Variants in RAB40C observed in about 807,000 individuals in gnomAD.
RAB40C encodes ras-related protein Rab-40C.
A neutral mutation model predicts 28.1 loss-of-function variants in RAB40C; 8 were observed. That is an observed-to-expected ratio of 0.28 (90% CI 0.17 to 0.51). The LOEUF (loss-of-function observed/expected upper bound fraction) is 0.51, where lower values mean the gene tolerates loss of function less well. Ranked by LOEUF, RAB40C falls within the 20% of genes least tolerant of loss-of-function variation. The pLI is 0.97. For synonymous variants in RAB40C, 201 were observed against 171.7 expected (o/e 1.17, Z -1.34); for missense variants, 288 against 405.9 (o/e 0.71, Z 2.50).
chr16:601,617 A>G (rs2036249706), intron 1 of RAB40C, among the ~76,000 whole-genome samples: 1 of 152,058 alleles, frequency 6.6e-6, no homozygotes, highest in Admixed American at 6.6e-5. Context: ...TTCTCATGAA[A>G]AATAGAATTG....
chr16:628,337 C>T lies in RAB40C; in HGVS notation c.*715C>T, dbSNP rs1332727388. The T allele has an allele frequency of 7.0e-6, 1 of 143,778 alleles. No individual in the cohort carries two copies. Among genetic ancestry groups the T allele is most frequent in the Non-Finnish European group, 1.5e-5 (1 of 67,700 alleles). 8.9% of individuals were successfully genotyped at this position (143,778 alleles called of 1,614,324 possible). On this transcript the variant is annotated 3_prime_UTR_variant, in exon 6 of 6. Coordinates refer to ENST00000248139, the MANE Select transcript of RAB40C (RefSeq NM_021168.5). ...GAACCTTCCTGCTGTGATGTGACAC[C>T]TTCGGGGACATTGACCACTCAAAAC...
intron 1 of RAB40C, chr16:596,492 C>T (rs547074073): frequency 2.9e-6 from 1 of 340,762 alleles, no homozygotes; most frequent in African/African-American, 2.2e-5. Flanking sequence ...GCCCAGGGGC[C>T]ACGTCAGCCA....
At chr16:600,079 C>T (rs1047346721) in intron 1 of RAB40C, among the ~76,000 whole-genome samples, 1 of 152,204 alleles carries the variant, frequency 6.6e-6, no homozygotes, top group African/African-American at 2.4e-5. Context: ...AGTTTTGTTC[C>T]CTTGTGGCAT....
chr16:593,332 T>C (rs2036041261), intron 1 of RAB40C, among the ~76,000 whole-genome samples: 1 of 152,236 alleles, frequency 6.6e-6, no homozygotes, highest in Non-Finnish European at 1.5e-5. Context: ...TTATTCTCCT[T>C]TGAAAGAGTT....
chr16:591,362 AAAGGTGTCATGGGCCCGGGG>A lies in RAB40C; in HGVS notation c.142+939_142+958del, dbSNP rs1436991498. Among the ~76,000 whole-genome samples, 4 of 150,604 alleles carry A rather than the reference AAAGGTGTCATGGGCCCGGGG, an allele frequency of 2.7e-5. No homozygotes were observed. In the East Asian group the frequency reaches 5.9e-4, roughly 22 times the overall value. On this transcript the variant is annotated intron_variant, in intron 1 of 5. Coordinates refer to ENST00000248139, the MANE Select transcript of RAB40C (RefSeq NM_021168.5). The stretch of plus-strand genomic sequence containing the variant: ...GAGGGAAGGTGTTATAGATCTGGGG[AAAGGTGTCATGGGCCCGGGG>A]AAGGTGTCACGGACCCAGGTCTGGT...
chr16:591,088 AG>A (rs1307818087), intron 1 of RAB40C, among the ~76,000 whole-genome samples: 1 of 146,344 alleles, frequency 6.8e-6, no homozygotes. Flanking sequence ...TCCTAAGGGA[AG>A]CTGTCATGGG....
In RAB40C at chr16:627,741, C is replaced by A. The variant is rs2036871910; in HGVS notation, c.*119C>A. On this transcript the variant is annotated 3_prime_UTR_variant, in exon 6 of 6. Coordinates refer to ENST00000248139, the MANE Select transcript of RAB40C (RefSeq NM_021168.5). The stretch of plus-strand genomic sequence containing the variant: ...TGTCCACACAGCTGCCTCAGAAGCG[C>A]CGGGCTTTCCTCACACCTGAGCCGG... 3.9e-6 allele frequency: 5 copies of A among 1,278,176 alleles called. 1 individual carries two copies. The Admixed American group carries it at 8.7e-5, about 22-fold the overall frequency. 79.2% of individuals were successfully genotyped at this position (1,278,176 alleles called of 1,614,324 possible).
Position 618,187 on chromosome 16 carries a change from C to A in RAB40C, c.204-13C>A. 6.2e-7 allele frequency: 1 copy of A among 1,611,440 alleles called. No individual in the cohort carries two copies. The highest frequency in any genetic ancestry group is 1.1e-5 in the South Asian group (1 of 90,738). On this transcript the variant is annotated splice_polypyrimidine_tract_variant and intron_variant, in intron 2 of 5. Transcript: ENST00000248139. ...ACCACAGTCCCGGCCCCTCCCCTCC[C>A]CGTATGTTTCAGGGACACGTCGGGC...
chr16:605,642 T>A (rs888505921), intron 1 of RAB40C, among the ~76,000 whole-genome samples: 2 of 152,184 alleles, frequency 1.3e-5, no homozygotes, highest in African/African-American at 4.8e-5. Context: ...GCTCCCTCCT[T>A]CCCCGCGCCG....
intron 1 of RAB40C, among the ~76,000 whole-genome samples, chr16:608,974 G>T (rs1453727312): frequency 6.6e-6 from 1 of 152,118 alleles, no homozygotes; most frequent in Admixed American, 6.6e-5. Context: ...AATTAGCCAG[G>T]TGTGGTGGTG....
chr16:604,006 G>A (rs939231346), intron 1 of RAB40C, among the ~76,000 whole-genome samples: 4 of 151,814 alleles, frequency 2.6e-5, no homozygotes, highest in African/African-American at 4.8e-5. Flanking sequence ...GTTATTTCCT[G>A]GTTTGGGGTA....
chr16:603,420 C>T (rs933012636), intron 1 of RAB40C, among the ~76,000 whole-genome samples: 5 of 149,994 alleles, frequency 3.3e-5, no homozygotes, highest in African/African-American at 1.2e-4. Context: ...GAGTGGTATG[C>T]CGGAAGATTG....
intron 3 of RAB40C, 99 bp downstream of exon 3, chr16:618,359 C>A (rs775870936): frequency 3.5e-5 from 42 of 1,211,366 alleles, no homozygotes; most frequent in Non-Finnish European, 4.9e-5. Flanking sequence ...CAAGGACTTT[C>A]TTTCTTTATA....
Position 629,195 on chromosome 16 carries a change from G to C in RAB40C, c.*1573G>C, listed in dbSNP as rs1438443436. The C allele has an allele frequency of 4.1e-6, 1 of 245,210 alleles. No individual in the cohort carries two copies. The highest frequency in any genetic ancestry group is 2.2e-5 in the African/African-American group (1 of 45,288). 15.2% of individuals were successfully genotyped at this position (245,210 alleles called of 1,614,324 possible). A position where few individuals can be genotyped will look rare whatever the true frequency, so the allele number is the denominator to read the frequency against. On this transcript the variant is annotated 3_prime_UTR_variant, in exon 6 of 6. Transcript: ENST00000248139. ...TCACGGCATCAACACTACCCGCGCTGCTGTTAGACACTCCGCCATTCCTGG... is the reference window on the plus strand; with the variant it reads ...TCACGGCATCAACACTACCCGCGCTCCTGTTAGACACTCCGCCATTCCTGG...
intron 1 of RAB40C, among the ~76,000 whole-genome samples, chr16:616,320 C>T (rs7199115): frequency 0.032 from 4,103 of 129,702 alleles, 206 homozygotes; most frequent in African/African-American, 0.11. Flanking sequence ...GTCCAGAGTC[C>T]GGAGAAGCAG....
chr16:590,382 C>G lies in RAB40C; in HGVS notation c.91C>G (p.Leu31Val), dbSNP rs370585823. ...CAGCGACGTGGGCAAGGGCGAGATC[C>G]TGGAGAGCCTGCAGGACGGCGCGGC... ...GDSDVGKGEI[L>V]ESLQDGAAES... Residue 31 changes from leucine to valine, a missense_variant, in exon 1 of 6, where the codon CTG (leucine) becomes GTG (valine). This residue lies in a region of RAB40C where 78 missense variants were observed against 88.2 expected (regional missense o/e 0.88). Coordinates refer to ENST00000248139, the MANE Select transcript of RAB40C (RefSeq NM_021168.5). 5 of 1,596,976 alleles carry G rather than the reference C, an allele frequency of 3.1e-6. No individual in the cohort carries two copies. The highest frequency in any genetic ancestry group is 4.3e-6 in the Non-Finnish European group (5 of 1,173,462).
intron 1 of RAB40C, among the ~76,000 whole-genome samples, chr16:607,596 G>A (rs1268905231): frequency 6.6e-6 from 1 of 151,344 alleles, no homozygotes; most frequent in African/African-American, 2.4e-5. Context: ...AAGGTCAGGA[G>A]ATGGAGACCA....
At chr16:597,558 G>A (rs918409144) in intron 1 of RAB40C, among the ~76,000 whole-genome samples, 12 of 150,718 alleles carry the variant, frequency 8.0e-5, no homozygotes, top group African/African-American at 2.4e-4. Context: ...ATCTTGGCTC[G>A]CTGCAACCTC....
chr16:628,943 G>C lies in RAB40C; in HGVS notation c.*1321G>C, dbSNP rs969883116. 3.3e-5 allele frequency: 5 copies of C among 153,374 alleles called. No homozygotes were observed. Among genetic ancestry groups the C allele is most frequent in the Admixed American group, 6.5e-5 (1 of 15,408 alleles). 9.5% of individuals were successfully genotyped at this position (153,374 alleles called of 1,614,324 possible). ...CGGAGGGTGTTACTGGGCACCAGTGGACTCGCCCCATGGCCCGTTCCTGGG... is the reference window on the plus strand; with the variant it reads ...CGGAGGGTGTTACTGGGCACCAGTGCACTCGCCCCATGGCCCGTTCCTGGG... On this transcript the variant is annotated 3_prime_UTR_variant, in exon 6 of 6. Coordinates refer to ENST00000248139, the MANE Select transcript of RAB40C (RefSeq NM_021168.5).
Sources: gnomAD v4.1 joint callset for allele counts (sites outside exome capture counted in the v4.1 genomes callset) on GRCh38, gnomAD v4.1.1 for gene constraint, gnomAD v4.1.1 regional missense constraint, MANE v1.5 for transcripts, NCBI Gene and HGNC (gene_info 2026-07-23, HGNC 2026-07-21) for gene names.